PRKG1: variants seen among roughly 807,000 people sequenced by gnomAD.
PRKG1 encodes cGMP-dependent protein kinase 1.
A neutral mutation model predicts 88.1 loss-of-function variants in PRKG1; 35 were observed. That is an observed-to-expected ratio of 0.40 (90% CI 0.30 to 0.53). The LOEUF is 0.53. Ranked by LOEUF, PRKG1 falls within the 20% of genes least tolerant of loss-of-function variation. The probability of loss-of-function intolerance (pLI) is 0.59; values close to 1 mark genes in which losing one functional copy is unlikely to be tolerated. For synonymous variants in PRKG1, 303 were observed against 292.5 expected (o/e 1.04, Z -0.37); for missense variants, 540 against 839.8 (o/e 0.64, Z 4.41).
intron 2 of PRKG1, among the ~76,000 whole-genome samples, chr10:51,304,016 C>T (rs1471234580): frequency 3.9e-5 from 6 of 152,012 alleles, no homozygotes; most frequent in Middle Eastern, 3.4e-3. Flanking sequence ...GATGGGGTTT[C>T]GTCATGTTGG....
chr10:52,185,350 C>T (rs769956663), intron 9 of PRKG1, among the ~76,000 whole-genome samples: 2 of 152,216 alleles, frequency 1.3e-5, no homozygotes, highest in Non-Finnish European at 2.9e-5. Context: ...GACTCCACAT[C>T]CCACATCCAG....
At chr10:52,032,597 G>T (rs557484458) in intron 5 of PRKG1, among the ~76,000 whole-genome samples, 2 of 152,148 alleles carry the variant, frequency 1.3e-5, no homozygotes, top group African/African-American at 2.4e-5. Context: ...TAGTCATATT[G>T]TATTCAGGAA....
chr10:51,521,189 G>A (rs939256939), intron 3 of PRKG1, among the ~76,000 whole-genome samples: 12 of 152,170 alleles, frequency 7.9e-5, no homozygotes, highest in African/African-American at 2.2e-4. Context: ...CAAGGAGGCC[G>A]AGGCAGGAGA....
chr10:51,446,899 C>A (rs575644057), intron 2 of PRKG1, among the ~76,000 whole-genome samples: 1 of 152,104 alleles, frequency 6.6e-6, no homozygotes, highest in Admixed American at 6.6e-5. Flanking sequence ...ATCTGAGAGA[C>A]AAACCTTTTC....
intron 2 of PRKG1, among the ~76,000 whole-genome samples, chr10:51,155,168 T>G (rs1440029754): frequency 2.0e-5 from 3 of 152,052 alleles, no homozygotes; most frequent in African/African-American, 7.2e-5. Flanking sequence ...GGATTCAATG[T>G]TCCTTCATCT....
rs1037606103 is a variant in PRKG1 at position 52,293,754 on chromosome 10, A to T, written c.1963-48A>T. On this transcript the variant is annotated intron_variant, in intron 17 of 17. Coordinates refer to ENST00000373980, the MANE Select transcript of PRKG1 (RefSeq NM_006258.4). ...ATGCACTTAAAAATTCCAGCTTGGA[A>T]TTCCACTAAAAAAAATCCACTAAAA... 7 of 1,484,018 alleles carry T rather than the reference A, an allele frequency of 4.7e-6. No individual in the cohort carries two copies. In the Middle Eastern group the frequency reaches 5.2e-4, roughly 110 times the overall value. The allele number at this position is 1,484,018 out of a possible 1,614,324, so 91.9% of individuals were successfully genotyped here.
chr10:51,070,636 C>A (rs1039244275), upstream of PRKG1, among the ~76,000 whole-genome samples: 2 of 152,110 alleles, frequency 1.3e-5, no homozygotes, highest in African/African-American at 4.8e-5. Flanking sequence ...ATGACAAATT[C>A]TACAGATTTA....
rs149765959 is a variant in PRKG1 at position 51,358,258 on chromosome 10, C to T, written c.479-109465C>T. 5.3e-5 allele frequency among the ~76,000 whole-genome samples: 8 copies of T among 151,952 alleles called. No individual in the cohort carries two copies. The East Asian group carries it at 1.4e-3, about 26-fold the overall frequency. ...GTCTCATTTCCCTCCATGGAGGCCTCTTATTCAGAGAGAGCAATCCAAGAT... is the reference window on the plus strand; with the variant it reads ...GTCTCATTTCCCTCCATGGAGGCCTTTTATTCAGAGAGAGCAATCCAAGAT... On this transcript the variant is annotated intron_variant, in intron 2 of 17. Coordinates refer to ENST00000373980, the MANE Select transcript of PRKG1 (RefSeq NM_006258.4).
chr10:51,721,189 C>G (rs12248503), intron 3 of PRKG1, among the ~76,000 whole-genome samples: 2 of 143,174 alleles, frequency 1.4e-5, no homozygotes, highest in East Asian at 4.1e-4. Context: ...ACTCCAGCCT[C>G]TGGGTGACAG....
chr10:51,136,387 A>G (rs896632045), intron 1 of PRKG1, among the ~76,000 whole-genome samples: 1 of 152,078 alleles, frequency 6.6e-6, no homozygotes, highest in African/African-American at 2.4e-5. Flanking sequence ...GGTGTGAGAT[A>G]TAGATTTAGT....
At chr10:51,605,084 C>T (rs1165805043) in intron 3 of PRKG1, among the ~76,000 whole-genome samples, 2 of 152,128 alleles carry the variant, frequency 1.3e-5, no homozygotes, top group Admixed American at 6.5e-5. Context: ...TGGAGTCGGG[C>T]CGCCCAAGGC....
intron 5 of PRKG1, among the ~76,000 whole-genome samples, chr10:51,916,341 C>T (rs946232008): frequency 6.6e-6 from 1 of 152,182 alleles, no homozygotes; most frequent in African/African-American, 2.4e-5. Flanking sequence ...ATACTCCCAC[C>T]AGCACCATGA....
Position 51,355,992 on chromosome 10 carries a change from A to G in PRKG1, c.479-111731A>G, listed in dbSNP as rs549283543. ...ACTGCTAATGTTAGCACTTCTTTAT[A>G]TAGACAGATCCTGCTAAACCTGCAC... On this transcript the variant is annotated intron_variant, in intron 2 of 17. Coordinates refer to ENST00000373980, the MANE Select transcript of PRKG1 (RefSeq NM_006258.4). Among the ~76,000 whole-genome samples, 11 of 152,168 alleles carry G rather than the reference A, an allele frequency of 7.2e-5. 1 individual carries two copies. In the South Asian group the frequency reaches 1.9e-3, roughly 26 times the overall value.
At chr10:51,591,917 A>G (rs561346442) in intron 3 of PRKG1, among the ~76,000 whole-genome samples, 21 of 152,322 alleles carry the variant, frequency 1.4e-4, no homozygotes, top group Admixed American at 3.9e-4. Context: ...GCCCCTTTTA[A>G]GAGCATAAGC....
chr10:51,192,894 T>G (rs2132042786), intron 2 of PRKG1, among the ~76,000 whole-genome samples: 1 of 152,114 alleles, frequency 6.6e-6, no homozygotes, highest in Middle Eastern at 3.4e-3. Context: ...TCAGTCTTGT[T>G]TATTTATTGA....
chr10:51,668,586 G>A (rs139472261), intron 3 of PRKG1, among the ~76,000 whole-genome samples: 220 of 152,228 alleles, frequency 1.4e-3, no homozygotes, highest in African/African-American at 5.0e-3. Context: ...GTGATGTGGT[G>A]AGGGTTAAAC....
At chr10:52,260,253 G>A (rs1841402436) in intron 10 of PRKG1, among the ~76,000 whole-genome samples, 1 of 152,058 alleles carries the variant, frequency 6.6e-6, no homozygotes, top group Non-Finnish European at 1.5e-5. Flanking sequence ...ACATCAGAAG[G>A]ACAAAGTTTG....
chr10:51,684,761 A>G (rs977515554), intron 3 of PRKG1, among the ~76,000 whole-genome samples: 2 of 152,038 alleles, frequency 1.3e-5, no homozygotes, highest in Non-Finnish European at 2.9e-5. Flanking sequence ...CAGCTACTCA[A>G]GAGACTGAGG....
intron 1 of PRKG1, among the ~76,000 whole-genome samples, chr10:51,042,026 G>C (rs1843431171): frequency 6.6e-6 from 1 of 152,164 alleles, no homozygotes; most frequent in Admixed American, 6.5e-5. Context: ...CTCTGAGCCA[G>C]CAAAGTAAAA....
Sources: allele counts gnomAD v4.1 joint callset (sites outside exome capture counted in the v4.1 genomes callset), GRCh38; gene constraint gnomAD v4.1.1; transcripts MANE v1.5; gene names NCBI Gene and HGNC (gene_info 2026-07-23, HGNC 2026-07-21).